Variants in CDH10 observed in about 807,000 individuals in gnomAD.
The protein encoded by CDH10 is cadherin-10.
In CDH10, 30 loss-of-function variants were observed where a neutral mutation model predicts 73.1. The observed-to-expected ratio is 0.41, with a 90% CI of 0.31 to 0.56. The LOEUF (loss-of-function observed/expected upper bound fraction) is 0.56. Ranked by LOEUF, CDH10 falls within the 20% of genes least tolerant of loss-of-function variation. The pLI is 0.27. For synonymous variants in CDH10, 345 were observed against 348.2 expected (o/e 0.99, Z 0.10); for missense variants, 815 against 973.7 (o/e 0.84, Z 2.17).
At chr5:24,535,339 T>G (rs1743913808) in intron 4 of CDH10, 60 bp from the exon 5 acceptor site, 1 of 1,466,284 alleles carries the variant, frequency 6.8e-7, no homozygotes, top group Admixed American at 2.2e-5. Context: ...GTTATTTTAT[T>G]AAGTCCACAA....
intron 2 of CDH10, among the ~76,000 whole-genome samples, chr5:24,538,261 T>G (rs1338105463): frequency 6.6e-6 from 1 of 152,084 alleles, no homozygotes; most frequent in East Asian, 1.9e-4. Flanking sequence ...CAGATAGATA[T>G]CTACATAACA....
Position 24,634,982 on chromosome 5 carries a change from A to C in CDH10, c.-124+9612T>G, listed in dbSNP as rs557566363. On this transcript the variant is annotated intron_variant, in intron 1 of 11. Transcript: ENST00000264463. ...ACCATTCCAGATGCTTTTTAAATTA[A>C]CATATAAATAGAGCCAAAAAAGGAA... 4.3e-4 allele frequency among the ~76,000 whole-genome samples: 62 copies of C among 142,922 alleles called. 1 individual carries two copies. Among genetic ancestry groups the C allele is most frequent in the African/African-American group, 1.5e-3 (59 of 39,352 alleles). 93.8% of individuals were successfully genotyped at this position (142,922 alleles called of 152,430 possible).
At chr5:24,566,077 C>T (rs1342437463) in intron 2 of CDH10, among the ~76,000 whole-genome samples, 2 of 152,114 alleles carry the variant, frequency 1.3e-5, no homozygotes, top group Non-Finnish European at 2.9e-5. Flanking sequence ...GAGACAGAGT[C>T]TCACCCTCTT....
At chr5:24,579,336 A>G (rs1745709044) in intron 2 of CDH10, among the ~76,000 whole-genome samples, 1 of 94,484 alleles carries the variant, frequency 1.1e-5, no homozygotes, top group Non-Finnish European at 2.8e-5. Context: ...AGACAAGGAA[A>G]ACAAAAATAT....
At position 24,498,484 on chromosome 5, in the gene CDH10, C is replaced by G. The variant is rs74795908; in HGVS notation, c.1429G>C (p.Val477Leu). 1 of 1,600,110 alleles carries G rather than the reference C, an allele frequency of 6.2e-7. No homozygotes were observed. The highest frequency in any genetic ancestry group is 8.6e-7 in the Non-Finnish European group (1 of 1,167,486). ...PKETTRVAVF[V>L]RILDVNDNAP... ...TTGTCATTAACATCCAAAATTCTCACAAAAACAGCCACGCGTGTTGTCTCT... is the reference window on the plus strand; with the variant it reads ...TTGTCATTAACATCCAAAATTCTCAGAAAAACAGCCACGCGTGTTGTCTCT... The change falls in exon 9 of 12, where the codon GTG becomes CTG. Residue 477 changes from valine (V) to leucine (L), a missense_variant. Val to Leu is a conservative substitution (Grantham distance 32). This residue lies in a region of CDH10 where 516 missense variants were observed against 636.6 expected (regional missense o/e 0.81). Transcript: ENST00000264463.
chr5:24,495,239 G>GAAAC (rs1380508804), intron 9 of CDH10, among the ~76,000 whole-genome samples: 1 of 152,066 alleles, frequency 6.6e-6, no homozygotes, highest in Non-Finnish European at 1.5e-5. Context: ...CCATAATTAG[G>GAAAC]AAACAAACAA....
chr5:24,551,502 T>G (rs13179834), intron 2 of CDH10, among the ~76,000 whole-genome samples: 42,534 of 151,972 alleles, frequency 0.28, 6,181 homozygotes, highest in Admixed American at 0.32. Flanking sequence ...ATTTTATGGT[T>G]ACTCCTCTTT....
At chr5:24,529,798 T>A (rs185402264) in intron 5 of CDH10, among the ~76,000 whole-genome samples, 1 of 152,016 alleles carries the variant, frequency 6.6e-6, no homozygotes, top group East Asian at 1.9e-4. Flanking sequence ...ATGTACATGT[T>A]ATTGGTCCAT....
chr5:24,586,709 T>A (rs1440816165), intron 2 of CDH10, among the ~76,000 whole-genome samples: 1 of 151,970 alleles, frequency 6.6e-6, no homozygotes, highest in South Asian at 2.1e-4. Context: ...CCTCCCAAAG[T>A]GCTGGGATTA....
chr5:24,581,055 T>A (rs1381024415), intron 2 of CDH10, among the ~76,000 whole-genome samples: 1 of 152,134 alleles, frequency 6.6e-6, no homozygotes, highest in Non-Finnish European at 1.5e-5. Context: ...TCTTCAGACA[T>A]TTGAAGTGAC....
At chr5:24,519,279 AAGTTT>A (rs1743225273) in intron 5 of CDH10, among the ~76,000 whole-genome samples, 1 of 152,092 alleles carries the variant, frequency 6.6e-6, no homozygotes, top group Non-Finnish European at 1.5e-5. Context: ...ATTTTAGCAA[AAGTTT>A]AGTTTATAAA....
intron 2 of CDH10, chr5:24,578,707 C>G (rs1408538413): frequency 6.6e-6 from 1 of 152,464 alleles, no homozygotes; most frequent in African/African-American, 2.4e-5. Flanking sequence ...TTTTCTACAA[C>G]AAAACTGTGG....
intron 2 of CDH10, among the ~76,000 whole-genome samples, chr5:24,548,872 TAGAG>T (rs1456620704): frequency 3.3e-5 from 5 of 151,932 alleles, no homozygotes; most frequent in East Asian, 1.9e-4. Flanking sequence ...AAAGTAGAGA[TAGAG>T]AGAAACCATA....
intron 2 of CDH10, among the ~76,000 whole-genome samples, chr5:24,577,006 T>TA (rs143942567): frequency 1.0e-3 from 145 of 144,308 alleles, no homozygotes; most frequent in South Asian, 8.4e-3. Flanking sequence ...GCTAAAATAT[T>TA]AAAAAAAAAA....
chr5:24,530,015 A>ACT (rs1374840481), intron 5 of CDH10, among the ~76,000 whole-genome samples: 1 of 78,022 alleles, frequency 1.3e-5, no homozygotes, highest in African/African-American at 4.1e-5. Flanking sequence ...CTCTATTTTT[A>ACT]CTTTTTTTTT....
chr5:24,532,508 T>G (rs1219696641), intron 5 of CDH10, among the ~76,000 whole-genome samples: 2 of 152,182 alleles, frequency 1.3e-5, no homozygotes, highest in African/African-American at 4.8e-5. Flanking sequence ...CTGCAGGGCC[T>G]GCTGCTGAGC....
intron 2 of CDH10, among the ~76,000 whole-genome samples, chr5:24,549,031 T>C (rs1176175460): frequency 2.0e-5 from 3 of 152,086 alleles, no homozygotes; most frequent in African/African-American, 7.2e-5. Context: ...ATATCTGACA[T>C]TCATAAATCA....
chr5:24,539,054 A>AT (rs1385165673), intron 2 of CDH10, among the ~76,000 whole-genome samples: 2 of 152,216 alleles, frequency 1.3e-5, no homozygotes, highest in Admixed American at 6.6e-5. Flanking sequence ...CTACAAAAAT[A>AT]TTTATTATAA....
At chr5:24,572,750 A>G (rs537896225) in intron 2 of CDH10, among the ~76,000 whole-genome samples, 1 of 152,170 alleles carries the variant, frequency 6.6e-6, no homozygotes, top group African/African-American at 2.4e-5. Context: ...ATTTCAGCTG[A>G]CAATAAAGAA....
Sources: gnomAD v4.1 joint callset for allele counts (sites outside exome capture counted in the v4.1 genomes callset) on GRCh38, gnomAD v4.1.1 for gene constraint, gnomAD v4.1.1 regional missense constraint, MANE v1.5 for transcripts, NCBI Gene and HGNC (gene_info 2026-07-23, HGNC 2026-07-21) for gene names.